ADAM7: variants seen among roughly 807,000 people sequenced by gnomAD.
ADAM7 encodes the protein ADAM metallopeptidase domain 7.
Under a neutral mutation model 102.9 loss-of-function variants are expected in ADAM7, and 97 were observed. The ratio of observed to expected loss-of-function variants is 0.94; its 90% CI spans 0.80 to 1.12. The LOEUF is 1.12. Among genes scored for constraint, ADAM7 ranks in the 50% most tolerant of loss-of-function variants. The pLI is 0.00. For synonymous variants in ADAM7, 334 were observed against 304.4 expected (o/e 1.10, Z -1.01); for missense variants, 991 against 908.7 (o/e 1.09, Z -1.16).
At chr8:24,500,343 T>C in intron 18 of ADAM7, 87 bp downstream of exon 18, 2 of 1,232,164 alleles carry the variant, frequency 1.6e-6, no homozygotes, top group Non-Finnish European at 2.3e-6. Flanking sequence ...TGCTACTTAT[T>C]TGCTGTGTTT....
At chr8:24,484,802 CTT>C (rs544478529) in intron 9 of ADAM7, among the ~76,000 whole-genome samples, 38,698 of 91,254 alleles carry the variant, frequency 0.42, 6,675 homozygotes, top group Middle Eastern at 0.46. Context: ...ATTGCACTGG[CTT>C]TTTTTTTTTT....
In ADAM7 at chr8:24,484,841, C is replaced by T. The variant is rs534734293; in HGVS notation, c.876-436C>T. 5.0e-5 allele frequency among the ~76,000 whole-genome samples: 7 copies of T among 138,996 alleles called. No individual in the cohort carries two copies. The South Asian group carries it at 9.2e-4, about 18-fold the overall frequency. The allele number at this position is 138,996 out of a possible 152,430, so 91.2% of individuals were successfully genotyped here. On this transcript the variant is annotated intron_variant, in intron 9 of 21. Transcript: ENST00000175238. ...TTTTTTTTTAATTGAGGTGGAGCCT[C>T]GCTCTGTGTCCTGGAGAGCAGTAGC...
At chr8:24,453,625 T>C (rs1585858811) in intron 3 of ADAM7, among the ~76,000 whole-genome samples, 1 of 152,354 alleles carries the variant, frequency 6.6e-6, no homozygotes, top group East Asian at 1.9e-4. Flanking sequence ...AGTAGTTTGA[T>C]CGTCTGAAGC....
chr8:24,445,703 T>TTCTCTGC (rs1272820570), intron 2 of ADAM7, among the ~76,000 whole-genome samples: 2 of 152,232 alleles, frequency 1.3e-5, no homozygotes, highest in Non-Finnish European at 2.9e-5. Context: ...TGTTTCTGCC[T>TTCTCTGC]AGATATTTTG....
chr8:24,481,476 C>T (rs996805930), intron 8 of ADAM7, among the ~76,000 whole-genome samples: 5 of 152,138 alleles, frequency 3.3e-5, no homozygotes, highest in African/African-American at 1.2e-4. Flanking sequence ...TGATACAACA[C>T]ATAGTCCTTT....
At chr8:24,492,232 T>C in intron 14 of ADAM7, 134 bp downstream of exon 14, 7 of 899,058 alleles carry the variant, frequency 7.8e-6, no homozygotes, top group Non-Finnish European at 1.2e-5. Flanking sequence ...TTAGCATTTC[T>C]CTGGATATTA....
chr8:24,476,563 G>A, intron 8 of ADAM7, 59 bp downstream of exon 8: 1 of 1,387,114 alleles, frequency 7.2e-7, no homozygotes, highest in Non-Finnish European at 1.0e-6. Context: ...GAACCTTTCA[G>A]CGCAGTTCTC....
chr8:24,507,380 T>C, intron 20 of ADAM7, 100 bp from the exon 21 acceptor site: 2 of 901,374 alleles, frequency 2.2e-6, no homozygotes, highest in East Asian at 2.5e-5. Flanking sequence ...TGCGTGTGTA[T>C]GTGCTCATGT....
intron 5 of ADAM7, 127 bp from the exon 6 acceptor site, chr8:24,466,672 A>C (rs1819435993): frequency 2.7e-6 from 2 of 747,858 alleles, no homozygotes; most frequent in South Asian, 4.0e-5. Flanking sequence ...TTACCACTGA[A>C]AGCACTCTCC....
chr8:24,461,036 G>C (rs1464162604), intron 3 of ADAM7, among the ~76,000 whole-genome samples: 1 of 151,750 alleles, frequency 6.6e-6, no homozygotes, highest in Non-Finnish European at 1.5e-5. Context: ...GGCTATTTTT[G>C]CTGCATATAA....
intron 16 of ADAM7, among the ~76,000 whole-genome samples, chr8:24,494,688 T>C (rs954935587): frequency 9.3e-5 from 14 of 151,322 alleles, no homozygotes; most frequent in Admixed American, 5.3e-4. Context: ...TGCCAGTCTA[T>C]GTAGGTATCA....
intron 3 of ADAM7, among the ~76,000 whole-genome samples, chr8:24,455,395 G>A (rs1271938939): frequency 6.6e-6 from 1 of 152,034 alleles, no homozygotes; most frequent in East Asian, 1.9e-4. Context: ...TAGCATTAGA[G>A]TTTAGTATTT....
intron 4 of ADAM7, 78 bp downstream of exon 4, chr8:24,464,038 G>A: frequency 7.7e-7 from 1 of 1,292,344 alleles, no homozygotes; most frequent in South Asian, 1.3e-5. Flanking sequence ...TGTTCTAGCT[G>A]TACAAGCTGT....
intron 7 of ADAM7, 137 bp from the exon 8 acceptor site, chr8:24,476,296 G>T: frequency 1.6e-6 from 1 of 606,812 alleles, no homozygotes; most frequent in Admixed American, 3.1e-5. Context: ...CTAGTTTTTA[G>T]CTGAATGAAA....
At chr8:24,492,731 G>T (rs1201568573) in intron 15 of ADAM7, 134 bp downstream of exon 15, 5 of 631,044 alleles carry the variant, frequency 7.9e-6, no homozygotes, top group Non-Finnish European at 1.1e-5. Flanking sequence ...AGGAAATCTT[G>T]GTGTCCTGAT....
At chr8:24,453,361 T>C (rs1314283542) in intron 3 of ADAM7, among the ~76,000 whole-genome samples, 1 of 152,158 alleles carries the variant, frequency 6.6e-6, no homozygotes, top group Admixed American at 6.5e-5. Flanking sequence ...TTTTTATTCT[T>C]TTTTCTCTAA....
chr8:24,456,563 C>T (rs918088713), intron 3 of ADAM7, among the ~76,000 whole-genome samples: 3 of 151,942 alleles, frequency 2.0e-5, no homozygotes, highest in Middle Eastern at 3.2e-3. Context: ...TATAAAAATA[C>T]AGAACTAACA....
intron 3 of ADAM7, among the ~76,000 whole-genome samples, chr8:24,456,294 A>G (rs552492718): frequency 6.6e-5 from 10 of 152,336 alleles, no homozygotes; most frequent in African/African-American, 1.7e-4. Context: ...GTTGTCATAA[A>G]TGACAGAATT....
intron 15 of ADAM7, among the ~76,000 whole-genome samples, 170 bp downstream of exon 15, chr8:24,492,767 A>AAT (rs1820409096): frequency 6.6e-6 from 1 of 152,218 alleles, no homozygotes. Flanking sequence ...TCAAATTACT[A>AAT]ATAAAAAAAT....
Sources: gnomAD v4.1 joint callset for allele counts (sites outside exome capture counted in the v4.1 genomes callset) on GRCh38, gnomAD v4.1.1 for gene constraint, MANE v1.5 for transcripts, NCBI Gene and HGNC (gene_info 2026-07-23, HGNC 2026-07-21) for gene names.